The following CELF2 variants were observed in gnomAD, a reference collection of about 807,000 sequenced individuals.
CELF2 encodes CUG triplet repeat RNA-binding protein 2.
CELF2 carries 8 observed loss-of-function variants against 62.6 expected under a neutral mutation model. The observed-to-expected ratio is 0.13, with a 90% confidence interval of 0.07 to 0.23. The LOEUF is 0.23. CELF2 is among the 10% of genes least tolerant of loss of function. The pLI is 1.00. For synonymous variants in CELF2, 258 were observed against 250.0 expected, an observed-to-expected ratio of 1.03 and a Z score of -0.30; for missense variants, 333 against 671.0, an observed-to-expected ratio of 0.50 and a Z score of 5.56.
At chr10:10,811,090 C>G (rs1408764860) in intron 1 of CELF2, among the ~76,000 whole-genome samples, 1 of 152,210 alleles carries the variant, frequency 6.6e-6, no homozygotes. Flanking sequence ...TCAGGAGAGT[C>G]AGACTCACGA....
the CELF2 span, among the ~76,000 whole-genome samples, chr10:10,518,652 C>T: frequency 6.6e-6 from 1 of 152,064 alleles, no homozygotes; most frequent in Non-Finnish European, 1.5e-5. Flanking sequence ...CTAATGTTCT[C>T]AGCTAATAGT....
the CELF2 span, among the ~76,000 whole-genome samples, chr10:10,506,272 G>A: frequency 1.2e-5 from 1 of 85,136 alleles, no homozygotes; most frequent in African/African-American, 5.4e-5. Flanking sequence ...TGCACTTCGT[G>A]TGTGTGTGTG....
chr10:11,307,106 A>C (rs568092672), intron 9 of CELF2, among the ~76,000 whole-genome samples: 4 of 152,332 alleles, frequency 2.6e-5, no homozygotes, highest in Non-Finnish European at 5.9e-5. Context: ...TTGCAGACCC[A>C]CCTTGGAGAC....
intron 1 of CELF2, among the ~76,000 whole-genome samples, chr10:11,063,393 A>G (rs1355434218): frequency 6.6e-6 from 1 of 152,232 alleles, no homozygotes; most frequent in Non-Finnish European, 1.5e-5. Context: ...ACTTATCTAT[A>G]AAATCTCCAC....
chr10:10,657,264 AG>A, the CELF2 span, among the ~76,000 whole-genome samples: 2 of 152,204 alleles, frequency 1.3e-5, no homozygotes, highest in Non-Finnish European at 2.9e-5. Context: ...GCTGGAGAAA[AG>A]GGACAGTGAG....
In CELF2 at chr10:10,900,648, C is replaced by G. The variant is rs1350671899; in HGVS notation, c.54-19316C>G. On this transcript the variant is annotated intron_variant, in intron 1 of 13. Coordinates refer to the CELF2 transcript ENST00000636488. ...AGACTGAGTCTTTTTTCTTCAAGGTCAGGAACTAGACAGTGAGTCTGCCCT... is the reference window on the plus strand; with the variant it reads ...AGACTGAGTCTTTTTTCTTCAAGGTGAGGAACTAGACAGTGAGTCTGCCCT... Among the ~76,000 whole-genome samples, 3 of 152,082 alleles carry G rather than the reference C, an allele frequency of 2.0e-5. No homozygotes were observed. The East Asian group carries it at 5.8e-4, about 29-fold the overall frequency.
chr10:10,594,718 C>T, the CELF2 span, among the ~76,000 whole-genome samples: 2 of 152,184 alleles, frequency 1.3e-5, no homozygotes, highest in African/African-American at 4.8e-5. Flanking sequence ...GGTACTAAGT[C>T]AGTGCTTTTA....
rs576281301 is a variant in CELF2 at position 11,300,819 on chromosome 10, C to A, written c.976+12267C>A. ...CCTGAGTATGTTTGGTCAATGCAGG[C>A]GATTTTCTCCGTGTTTACAATGATT... On this transcript the variant is annotated intron_variant, in intron 9 of 12. Coordinates refer to ENST00000633077, the MANE Select transcript of CELF2 (RefSeq NM_001326342.2). This position sits in a 1 kb window ranked among gnomAD's most constrained non-coding sequence, Gnocchi z 5.5. 1.3e-5 allele frequency among the ~76,000 whole-genome samples: 2 copies of A among 152,152 alleles called. No homozygotes were observed. The highest frequency in any genetic ancestry group is 4.8e-5 in the African/African-American group (2 of 41,412).
intron 9 of CELF2, among the ~76,000 whole-genome samples, chr10:11,289,961 T>C (rs527589386): frequency 1.7e-4 from 26 of 152,182 alleles, no homozygotes; most frequent in African/African-American, 5.8e-4. Context: ...TTAAGAGGGA[T>C]TTTTTTTCTC....
intron 9 of CELF2, among the ~76,000 whole-genome samples, chr10:11,303,275 C>A (rs929086737): frequency 1.3e-5 from 2 of 152,168 alleles, no homozygotes; most frequent in African/African-American, 4.8e-5. Flanking sequence ...AGCTCACTCT[C>A]TTTCAACTCA....
intron 1 of CELF2, among the ~76,000 whole-genome samples, chr10:10,832,033 C>T (rs2057903758): frequency 6.7e-6 from 1 of 150,116 alleles, no homozygotes; most frequent in South Asian, 2.1e-4. Context: ...TTTGAGAGGC[C>T]AAAGCAGGCG....
intron 9 of CELF2, among the ~76,000 whole-genome samples, chr10:11,307,628 C>T (rs1408620562): frequency 1.3e-5 from 2 of 152,122 alleles, no homozygotes; most frequent in South Asian, 2.1e-4. Flanking sequence ...CTTCTTCCTC[C>T]GTTTAAATAC....
intron 3 of CELF2, among the ~76,000 whole-genome samples, chr10:11,230,295 ATT>A (rs145294311): frequency 6.6e-6 from 1 of 151,210 alleles, no homozygotes; most frequent in African/African-American, 2.4e-5. Context: ...GAAAAAATTA[ATT>A]TTTTTTTTAA....
At chr10:10,734,476 C>T in the CELF2 span, among the ~76,000 whole-genome samples, 3 of 152,202 alleles carry the variant, frequency 2.0e-5, no homozygotes, top group African/African-American at 7.2e-5. Flanking sequence ...CCCCCACATC[C>T]TCTTGTCACA....
Position 11,046,335 on chromosome 10 carries a change from T to C in CELF2, c.74+28172T>C, listed in dbSNP as rs1359728776. On this transcript the variant is annotated intron_variant, in intron 1 of 12. Transcript: ENST00000633077. This position sits in a 1 kb window ranked among gnomAD's most constrained non-coding sequence, Gnocchi z 4.6. The stretch of plus-strand genomic sequence containing the variant: ...ATGTGCCGGTCAGAAAATCACAGAT[T>C]GCCAACTGCTGCTGGATGCAATTTG... 6.6e-6 allele frequency among the ~76,000 whole-genome samples: 1 copy of C among 152,178 alleles called. No homozygotes were observed. Among genetic ancestry groups the C allele is most frequent in the Non-Finnish European group, 1.5e-5 (1 of 68,022 alleles).
the CELF2 span, among the ~76,000 whole-genome samples, chr10:10,630,226 C>T: frequency 1.3e-5 from 2 of 152,156 alleles, no homozygotes; most frequent in African/African-American, 2.4e-5. Flanking sequence ...AATGTTTGTT[C>T]AGTTCACATT....
intron 8 of CELF2, among the ~76,000 whole-genome samples, chr10:11,276,131 TG>T (rs2086006432): frequency 6.6e-6 from 1 of 152,166 alleles, no homozygotes; most frequent in African/African-American, 2.4e-5. Flanking sequence ...TATGTATCCT[TG>T]GGGTTTGTTT....
chr10:11,217,441 A>G lies in CELF2; in HGVS notation c.288A>G (p.Thr96=). 6.2e-6 allele frequency: 10 copies of G among 1,612,976 alleles called. No homozygotes were observed. Among genetic ancestry groups the G allele is most frequent in the Non-Finnish European group, 7.6e-6 (9 of 1,179,208 alleles). ...PPQSKGCCFV[T]FYTRKAALEA... ...TCTCTGTAGGTTGTTGTTTCGTAACATTTTATACAAGAAAAGCTGCACTTG... is the reference window on the plus strand; with the variant it reads ...TCTCTGTAGGTTGTTGTTTCGTAACGTTTTATACAAGAAAAGCTGCACTTG... Residue 96 remains threonine, a synonymous_variant, in exon 3 of 13, where the codon ACA becomes ACG. Coordinates refer to ENST00000633077, the MANE Select transcript of CELF2 (RefSeq NM_001326342.2). The surrounding 1 kb of genome is among the most constrained non-coding windows in gnomAD (Gnocchi z 5.6).
chr10:10,607,253 T>C, the CELF2 span, among the ~76,000 whole-genome samples: 1 of 152,194 alleles, frequency 6.6e-6, no homozygotes, highest in Non-Finnish European at 1.5e-5. Flanking sequence ...ATGTGGTTTT[T>C]GTTCAGGAAT....
Sources: gnomAD v4.1 joint callset for allele counts (sites outside exome capture counted in the v4.1 genomes callset) on GRCh38, gnomAD v4.1.1 for gene constraint, Gnocchi (gnomAD v3.1) non-coding constraint, MANE v1.5 for transcripts, NCBI Gene and HGNC (gene_info 2026-07-23, HGNC 2026-07-21) for gene names.